The following GREB1L variants were observed in gnomAD, a reference collection of about 807,000 sequenced individuals.
GREB1L encodes the protein GREB1 like retinoic acid receptor coactivator.
In GREB1L, 17 loss-of-function variants were observed where a neutral mutation model predicts 200.8. That is an observed-to-expected ratio of 0.08 (90% CI 0.06 to 0.13). The LOEUF is 0.13. Among genes scored for constraint, GREB1L ranks in the 10% least tolerant of loss-of-function variants. GREB1L has a pLI of 1.00. For synonymous variants in GREB1L, 789 were observed against 893.0 expected (o/e 0.88, Z 2.08); for missense variants, 1,657 against 2,367.7 (o/e 0.70, Z 6.23).
intron 19 of GREB1L, among the ~76,000 whole-genome samples, chr18:21,491,166 C>T (rs1435248449): frequency 1.3e-5 from 2 of 152,142 alleles, no homozygotes; most frequent in Non-Finnish European, 2.9e-5. Context: ...ACCTACATGT[C>T]GGTATGGAAC....
intron 11 of GREB1L, among the ~76,000 whole-genome samples, chr18:21,445,796 T>C (rs1240468453): frequency 1.3e-5 from 2 of 152,198 alleles, no homozygotes; most frequent in Admixed American, 6.5e-5. Flanking sequence ...TTACTAATGA[T>C]GCTTATTGAA....
chr18:21,286,476 C>G (rs1378140519), intron 1 of GREB1L, among the ~76,000 whole-genome samples: 1 of 152,050 alleles, frequency 6.6e-6, no homozygotes, highest in Non-Finnish European at 1.5e-5. Context: ...ACACAATGAG[C>G]CTTTCAAAAA....
chr18:21,348,756 C>G (rs778857982), intron 1 of GREB1L, among the ~76,000 whole-genome samples: 17 of 152,022 alleles, frequency 1.1e-4, no homozygotes, highest in Non-Finnish European at 2.5e-4. Context: ...GCCTGGGCAA[C>G]AGAGCCAGAC....
intron 1 of GREB1L, among the ~76,000 whole-genome samples, chr18:21,303,077 G>A (rs777758105): frequency 6.6e-6 from 1 of 152,062 alleles, no homozygotes; most frequent in Non-Finnish European, 1.5e-5. Context: ...GGCTGGTCTC[G>A]AAATCCTGAC....
chr18:21,259,357 G>T (rs1598611166), intron 1 of GREB1L, among the ~76,000 whole-genome samples: 1 of 152,094 alleles, frequency 6.6e-6, no homozygotes, highest in Non-Finnish European at 1.5e-5. Context: ...GGGGATAATA[G>T]AATACACCAA....
intron 13 of GREB1L, 41 bp from the exon 14 acceptor site, chr18:21,452,042 A>G (rs1225679810): frequency 1.3e-6 from 2 of 1,543,514 alleles, no homozygotes; most frequent in Non-Finnish European, 8.8e-7. Flanking sequence ...TGAAACAAAC[A>G]TATCCTTCCT....
Position 21,508,603 on chromosome 18 carries a change from C to T in GREB1L, c.4735+12C>T. On this transcript the variant is annotated intron_variant, in intron 27 of 32. Transcript: ENST00000424526. ...TAATGCAGGCGTGGGTAAGGGGCCC[C>T]CCTGGGATGGGGAGAAGGGCTTCGA... The T allele has an allele frequency of 6.4e-7, 1 of 1,550,912 alleles. No homozygotes were observed. Among genetic ancestry groups the T allele is most frequent in the Non-Finnish European group, 8.7e-7 (1 of 1,146,638 alleles).
intron 15 of GREB1L, among the ~76,000 whole-genome samples, chr18:21,460,849 C>T (rs1307348965): frequency 6.6e-6 from 1 of 151,754 alleles, no homozygotes; most frequent in Non-Finnish European, 1.5e-5. Context: ...ATAATCCCAG[C>T]ACTTTGGGAG....
chr18:21,360,608 A>G (rs2039568407), intron 1 of GREB1L, among the ~76,000 whole-genome samples: 1 of 152,208 alleles, frequency 6.6e-6, no homozygotes, highest in African/African-American at 2.4e-5. Flanking sequence ...TAGCTTGAAC[A>G]TTTTCAACTG....
At chr18:21,420,468 A>T (rs1192923716) in intron 7 of GREB1L, among the ~76,000 whole-genome samples, 1 of 152,186 alleles carries the variant, frequency 6.6e-6, no homozygotes, top group Non-Finnish European at 1.5e-5. Context: ...CCCTATAAAA[A>T]TTGAAAAATA....
chr18:21,268,489 G>GTA lies in GREB1L; in HGVS notation c.-120+26105_-120+26106dup, dbSNP rs779141511. On this transcript the variant is annotated intron_variant, in intron 1 of 32. Transcript: ENST00000424526. Reference sequence around the variant, plus strand: ...GATGTCTATATATATGTGTGTGTGTGTATATATATACATATATATATGTAT... The same window carrying GTA: ...GATGTCTATATATATGTGTGTGTGTGTATATATATATACATATATATATGTAT... Among the ~76,000 whole-genome samples, 195 of 124,932 alleles carry GTA rather than the reference G, an allele frequency of 1.6e-3. 1 individual carries two copies. The highest frequency in any genetic ancestry group is 3.0e-3 in the Admixed American group (34 of 11,390). The allele number at this position is 124,932 out of a possible 152,430, so 82.0% of individuals were successfully genotyped here.
chr18:21,275,649 G>A (rs1053479381), intron 1 of GREB1L, among the ~76,000 whole-genome samples: 17 of 152,064 alleles, frequency 1.1e-4, no homozygotes, highest in African/African-American at 4.1e-4. Flanking sequence ...TGGATGACAG[G>A]ATTAAATAAA....
intron 1 of GREB1L, among the ~76,000 whole-genome samples, chr18:21,278,396 AT>A (rs926997857): frequency 0.01 from 1,271 of 125,432 alleles, 14 homozygotes; most frequent in African/African-American, 0.02. Context: ...AAAAAAATAA[AT>A]AAATAAATAA....
chr18:21,500,690 A>G (rs1226406895), intron 23 of GREB1L, 48 bp downstream of exon 23: 2 of 1,301,010 alleles, frequency 1.5e-6, no homozygotes, highest in Non-Finnish European at 2.1e-6. Flanking sequence ...AGACAAAGAC[A>G]TTGAATTGCA....
chr18:21,467,854 C>T (rs1415832945), intron 15 of GREB1L, among the ~76,000 whole-genome samples: 1 of 152,002 alleles, frequency 6.6e-6, no homozygotes, highest in African/African-American at 2.4e-5. Context: ...GAAACCCTGT[C>T]TCTACTAAAA....
At chr18:21,494,168 A>G (rs1042229550) in intron 19 of GREB1L, among the ~76,000 whole-genome samples, 3 of 152,192 alleles carry the variant, frequency 2.0e-5, no homozygotes, top group East Asian at 1.9e-4. Context: ...TTCTTCTAGC[A>G]TTAAAAAAAT....
intron 17 of GREB1L, 126 bp from the exon 18 acceptor site, chr18:21,485,494 A>G: frequency 1.3e-6 from 1 of 753,964 alleles, no homozygotes; most frequent in Non-Finnish European, 2.1e-6. Context: ...ATAATGAAAC[A>G]GTATTTTTTC....
chr18:21,344,809 A>G (rs1567944814), intron 1 of GREB1L, among the ~76,000 whole-genome samples: 1 of 152,226 alleles, frequency 6.6e-6, no homozygotes, highest in Non-Finnish European at 1.5e-5. Flanking sequence ...AGAAACTTAC[A>G]GTAAAATGCT....
At position 21,268,558 on chromosome 18, in the gene GREB1L, C is replaced by T. The variant is rs551245352; in HGVS notation, c.-120+26165C>T. On this transcript the variant is annotated intron_variant, in intron 1 of 32. Transcript: ENST00000424526. Reference sequence around the variant, plus strand: ...ACACACACACACACACACACACACACACATATATATATATATATATATATA... The same window carrying T: ...ACACACACACACACACACACACACATACATATATATATATATATATATATA... Among the ~76,000 whole-genome samples, 678 of 86,382 alleles carry T rather than the reference C, an allele frequency of 7.8e-3. 3 individuals are homozygous for T. Among genetic ancestry groups the T allele is most frequent in the Non-Finnish European group, 9.9e-3 (476 of 48,154 alleles). 56.7% of individuals were successfully genotyped at this position (86,382 alleles called of 152,430 possible). A position where few individuals can be genotyped will look rare whatever the true frequency, so the allele number is the denominator to read the frequency against.
Sources: gnomAD v4.1 joint callset for allele counts (sites outside exome capture counted in the v4.1 genomes callset) on GRCh38, gnomAD v4.1.1 for gene constraint, MANE v1.5 for transcripts, NCBI Gene and HGNC (gene_info 2026-07-23, HGNC 2026-07-21) for gene names.